The following HTR4 variants were observed in gnomAD, a reference collection of about 807,000 sequenced individuals.
HTR4 encodes 5-hydroxytryptamine (serotonin) receptor 4, G protein-coupled.
Under a neutral mutation model 36.8 loss-of-function variants are expected in HTR4, and 16 were observed. That is an observed-to-expected ratio of 0.43 (90% confidence interval 0.29 to 0.66). The LOEUF (loss-of-function observed/expected upper bound fraction) is 0.66, where lower values mean the gene tolerates loss of function less well. Ranked by LOEUF, HTR4 falls within the 30% of genes least tolerant of loss-of-function variation. The pLI is 0.13. For missense variants in HTR4, 438 were observed against 490.9 expected (o/e 0.89, Z 1.02); for synonymous variants, 189 against 185.1 (o/e 1.02, Z -0.17).
chr5:148,653,936 G>T, intron 1 of HTR4, 126 bp downstream of exon 1: 1 of 525,314 alleles, frequency 1.9e-6, no homozygotes, highest in Non-Finnish European at 2.4e-6. Context: ...CTGCCGCAAA[G>T]CCGGGTGTCC....
chr5:148,615,571 C>A (rs1752634086), intron 2 of HTR4, among the ~76,000 whole-genome samples: 1 of 146,522 alleles, frequency 6.8e-6, no homozygotes, highest in African/African-American at 2.6e-5. Context: ...GGGAGATATA[C>A]CTAATGCTAG....
Position 148,543,658 on chromosome 5 carries a change from C to CA in HTR4, c.353+5009dup, listed in dbSNP as rs1759230351. On this transcript the variant is annotated intron_variant, in intron 4 of 6. Transcript: ENST00000377888. ...AAGTGGATATTGAAAGAATTGGGGACATTATGTTCTACTTGTGAACTGATG... is the reference window on the plus strand; with the variant it reads ...AAGTGGATATTGAAAGAATTGGGGACAATTATGTTCTACTTGTGAACTGATG... Among the ~76,000 whole-genome samples, 11 of 152,188 alleles carry CA rather than the reference C, an allele frequency of 7.2e-5. No homozygotes were observed. The South Asian group carries it at 2.1e-3, about 29-fold the overall frequency.
At chr5:148,541,850 T>G (rs1759132138) in intron 4 of HTR4, among the ~76,000 whole-genome samples, 1 of 152,018 alleles carries the variant, frequency 6.6e-6, no homozygotes, top group Admixed American at 6.6e-5. Context: ...CTCACCAACT[T>G]CCCTATCCCC....
At chr5:148,604,440 C>T (rs1271713760) in intron 2 of HTR4, among the ~76,000 whole-genome samples, 1 of 152,106 alleles carries the variant, frequency 6.6e-6, no homozygotes, top group Non-Finnish European at 1.5e-5. Flanking sequence ...TGCTGGAAAA[C>T]TGAGAGTATC....
intron 5 of HTR4, among the ~76,000 whole-genome samples, chr5:148,458,644 G>C (rs1755187975): frequency 6.6e-6 from 1 of 152,144 alleles, no homozygotes; most frequent in Non-Finnish European, 1.5e-5. Flanking sequence ...AGCCAGGGTG[G>C]GGAGGATGCA....
At chr5:148,476,585 G>A, downstream of HTR4, 1 of 1,477,128 alleles carries the variant, frequency 6.8e-7, no homozygotes, top group Non-Finnish European at 9.0e-7. Flanking sequence ...AAGTGGGCTG[G>A]TACAGTGGAG....
chr5:148,546,594 A>G (rs1451521501), intron 4 of HTR4, among the ~76,000 whole-genome samples: 2 of 152,190 alleles, frequency 1.3e-5, no homozygotes, highest in Non-Finnish European at 2.9e-5. Flanking sequence ...GGCTGCCCAC[A>G]GCAAACTCTC....
intron 2 of HTR4, among the ~76,000 whole-genome samples, chr5:148,626,723 G>A (rs776572267): frequency 1.4e-4 from 21 of 152,170 alleles, no homozygotes; most frequent in Non-Finnish European, 2.9e-4. Flanking sequence ...CCACAAAAAG[G>A]TAGTTTTCTG....
chr5:148,562,806 C>G (rs926747720), intron 2 of HTR4, among the ~76,000 whole-genome samples: 2 of 152,162 alleles, frequency 1.3e-5, no homozygotes, highest in Admixed American at 1.3e-4. Context: ...TCTTCTACCT[C>G]CAGTACATCA....
At chr5:148,581,394 C>T (rs113916932) in intron 2 of HTR4, among the ~76,000 whole-genome samples, 1,663 of 151,848 alleles carry the variant, frequency 0.011, 26 homozygotes, top group African/African-American at 0.039. Context: ...TTTTTGGGTG[C>T]CATATCCAAG....
At chr5:148,590,584 C>T (rs1425845481) in intron 2 of HTR4, among the ~76,000 whole-genome samples, 1 of 152,028 alleles carries the variant, frequency 6.6e-6, no homozygotes, top group African/African-American at 2.4e-5. Context: ...TATATCACTT[C>T]TTGAATTATA....
intron 2 of HTR4, among the ~76,000 whole-genome samples, chr5:148,610,701 A>T (rs1752388571): frequency 6.6e-6 from 1 of 151,500 alleles, no homozygotes; most frequent in African/African-American, 2.4e-5. Context: ...AGCTGAGAGA[A>T]GAAGGCTTTA....
chr5:148,649,480 T>C (rs1753969661), intron 1 of HTR4, among the ~76,000 whole-genome samples: 1 of 152,166 alleles, frequency 6.6e-6, no homozygotes, highest in African/African-American at 2.4e-5. Context: ...ACAGATAATA[T>C]ATTTTTCTTA....
intron 2 of HTR4, among the ~76,000 whole-genome samples, chr5:148,586,663 G>A (rs1222570522): frequency 3.9e-5 from 6 of 152,076 alleles, no homozygotes; most frequent in Non-Finnish European, 8.8e-5. Flanking sequence ...GATTTGGGTG[G>A]GGATAGAGCC....
intron 5 of HTR4, among the ~76,000 whole-genome samples, chr5:148,466,681 CAGAGTGTT>C (rs1755439643): frequency 6.6e-6 from 1 of 152,194 alleles, no homozygotes; most frequent in Non-Finnish European, 1.5e-5. Flanking sequence ...TACCCTCTGT[CAGAGTGTT>C]ACAGTGAATA....
intron 4 of HTR4, among the ~76,000 whole-genome samples, chr5:148,523,779 A>G (rs1313370847): frequency 6.6e-6 from 1 of 152,054 alleles, no homozygotes; most frequent in Admixed American, 6.6e-5. Context: ...GGTCTTTTCT[A>G]TTTCTGGCAC....
At chr5:148,519,952 T>C (rs903189455) in intron 5 of HTR4, among the ~76,000 whole-genome samples, 5 of 152,186 alleles carry the variant, frequency 3.3e-5, no homozygotes, top group East Asian at 3.8e-4. Flanking sequence ...GCATGAGTTA[T>C]AGTGTCTTGT....
intron 4 of HTR4, among the ~76,000 whole-genome samples, chr5:148,541,915 C>A (rs1759135210): frequency 6.6e-6 from 1 of 152,158 alleles, no homozygotes; most frequent in African/African-American, 2.4e-5. Context: ...TGCTCAGGAG[C>A]CTACCCTGCT....
chr5:148,643,717 T>C (rs1405537004), intron 1 of HTR4, among the ~76,000 whole-genome samples: 1 of 152,208 alleles, frequency 6.6e-6, no homozygotes, highest in Non-Finnish European at 1.5e-5. Flanking sequence ...GCTTTGTCTT[T>C]GTGGCTCCAG....
Sources: gnomAD v4.1 joint callset for allele counts (sites outside exome capture counted in the v4.1 genomes callset) on GRCh38, gnomAD v4.1.1 for gene constraint, MANE v1.5 for transcripts, NCBI Gene and HGNC (gene_info 2026-07-23, HGNC 2026-07-21) for gene names.